The following PCDHGB3 variants were observed in gnomAD, a reference collection of about 807,000 sequenced individuals.
PCDHGB3 encodes protocadherin gamma-B3.
PCDHGB3 carries 40 observed loss-of-function variants against 59.2 expected under a neutral mutation model. The ratio of observed to expected loss-of-function variants is 0.68; its 90% CI spans 0.52 to 0.88. The LOEUF is 0.88. Ranked by LOEUF, PCDHGB3 falls within the 40% of genes least tolerant of loss-of-function variation. The pLI is 0.00. For missense variants in PCDHGB3, 1,309 were observed against 1,187.9 expected (o/e 1.10, Z -1.50); for synonymous variants, 581 against 503.6 (o/e 1.15, Z -2.06).
At position 141,421,727 on chromosome 5, in the gene PCDHGB3, C is replaced by T. The variant is rs779718690; in HGVS notation, c.2415+48918C>T. The T allele has an allele frequency of 4.3e-6, 7 of 1,613,798 alleles. No individual in the cohort carries two copies. In the African/African-American group the frequency reaches 9.3e-5, roughly 22 times the overall value. ...AGGGATCCAGATGTGGGCGTGAACT[C>T]CCTCCAGAGCTACCAGCTCAGCCCT... On this transcript the variant is annotated intron_variant, in intron 1 of 3. Coordinates refer to ENST00000576222, the MANE Select transcript of PCDHGB3 (RefSeq NM_018924.5).
At chr5:141,492,168 A>C (rs1426223836) in intron 1 of PCDHGB3, among the ~76,000 whole-genome samples, 1 of 152,108 alleles carries the variant, frequency 6.6e-6, no homozygotes, top group African/African-American at 2.4e-5. Context: ...CTATCCCCGC[A>C]TCACCCAACC....
rs1338008428 is a variant in PCDHGB3 at position 141,374,930 on chromosome 5, A to G, written c.2415+2121A>G. The G allele has an allele frequency of 3.1e-6, 5 of 1,613,868 alleles. No homozygotes were observed. Among genetic ancestry groups the G allele is most frequent in the African/African-American group, 1.3e-5 (1 of 74,948 alleles). ...CGGGGAAGTAACTTATTCCTTTGTG[A>G]AGATTACAGAAAAGATCTCACAAAT... is the stretch of plus-strand genomic sequence containing the variant. On this transcript the variant is annotated intron_variant, in intron 1 of 3. Transcript: ENST00000576222.
rs371823901 is a variant in PCDHGB3 at position 141,384,767 on chromosome 5, C to T, written c.2415+11958C>T. 6.8e-6 allele frequency: 11 copies of T among 1,613,806 alleles called. No individual in the cohort carries two copies. The African/African-American group carries it at 9.3e-5, about 14-fold the overall frequency. The stretch of plus-strand genomic sequence containing the variant: ...GGACTCTTTGCGGTTGGGCTGTACA[C>T]GGGCGAGGTGCGCACGGCTCGGGCC... On this transcript the variant is annotated intron_variant, in intron 1 of 3. Coordinates refer to ENST00000576222, the MANE Select transcript of PCDHGB3 (RefSeq NM_018924.5).
chr5:141,404,879 G>A (rs770577946), intron 1 of PCDHGB3: 4 of 1,613,906 alleles, frequency 2.5e-6, no homozygotes, highest in Middle Eastern at 1.6e-4. Flanking sequence ...ACAGAGCCTT[G>A]TGGTGGCTGT....
intron 1 of PCDHGB3, chr5:141,376,312 G>A (rs984837472): frequency 6.2e-7 from 1 of 1,614,060 alleles, no homozygotes; most frequent in African/African-American, 1.3e-5. Flanking sequence ...TTGTGGGCGT[G>A]GAAGGGGTTC....
chr5:141,421,473 C>T (rs907282414), intron 1 of PCDHGB3: 10 of 1,613,994 alleles, frequency 6.2e-6, no homozygotes, highest in Middle Eastern at 1.6e-4. Context: ...ATCCGCGAAG[C>T]GGCAGCTTGA....
chr5:141,441,861 C>T (rs3805696), intron 1 of PCDHGB3: 35,405 of 342,650 alleles, frequency 0.1, 2,215 homozygotes, highest in African/African-American at 0.17. Context: ...TGCTGCACGC[C>T]GCGGAGCCTG....
chr5:141,431,355 C>T lies in PCDHGB3; in HGVS notation c.2415+58546C>T. 1 of 1,614,054 alleles carries T rather than the reference C, an allele frequency of 6.2e-7. No homozygotes were observed. Among genetic ancestry groups the T allele is most frequent in the South Asian group, 1.1e-5 (1 of 91,082 alleles). ...TACCCCGAATTGGTGCTGAAACGCG[C>T]CCTGGACCGCGAAGAAAAGGCTGCT... On this transcript the variant is annotated intron_variant, in intron 1 of 3. Transcript: ENST00000576222. The surrounding 1 kb of genome is among the most constrained non-coding windows in gnomAD (Gnocchi z 4.8).
chr5:141,496,440 A>G (rs2099768848), intron 2 of PCDHGB3, among the ~76,000 whole-genome samples: 1 of 152,158 alleles, frequency 6.6e-6, no homozygotes, highest in South Asian at 2.1e-4. Flanking sequence ...AAGTTGCTAC[A>G]GATGCTGAGC....
At position 141,502,349 on chromosome 5, in the gene PCDHGB3, T is replaced by C. The variant is rs369766657; in HGVS notation, c.2475-3044T>C. 1.3e-3 allele frequency among the ~76,000 whole-genome samples: 200 copies of C among 152,292 alleles called. 3 individuals carry two copies. In the South Asian group the frequency reaches 0.034, roughly 26 times the overall value. On this transcript the variant is annotated intron_variant, in intron 2 of 3. Transcript: ENST00000576222. ...GCTCCCAGTCTTTTTATTTTTTTAA[T>C]GACATGGATATTTTTAAAGAGTCCA...
chr5:141,432,700 G>A lies in PCDHGB3; in HGVS notation c.2415+59891G>A. On this transcript the variant is annotated intron_variant, in intron 1 of 3. Transcript: ENST00000576222. The surrounding 1 kb of genome is among the most constrained non-coding windows in gnomAD (Gnocchi z 6.0). ...AGCAGAGCCTCGTAGTGGCCGTCCAGGACCACGGCCAGCCCCCTCTCTCCG... is the reference window on the plus strand; with the variant it reads ...AGCAGAGCCTCGTAGTGGCCGTCCAAGACCACGGCCAGCCCCCTCTCTCCG... The A allele has an allele frequency of 6.2e-7, 1 of 1,613,980 alleles. No individual in the cohort carries two copies. The highest frequency in any genetic ancestry group is 8.5e-7 in the Non-Finnish European group (1 of 1,179,978).
intron 1 of PCDHGB3, chr5:141,420,925 G>A: frequency 2.8e-6 from 1 of 355,536 alleles, no homozygotes; most frequent in Non-Finnish European, 5.1e-6. Context: ...TCACAAAGGT[G>A]AGCGTAATCA....
intron 1 of PCDHGB3, chr5:141,415,029 G>C (rs777967290): frequency 6.2e-7 from 1 of 1,613,552 alleles, no homozygotes; most frequent in South Asian, 1.1e-5. Flanking sequence ...CCAGCGAGCC[G>C]GGACTCTTCG....
At chr5:141,399,662 C>G (rs759226157) in intron 1 of PCDHGB3, 1 of 1,613,666 alleles carries the variant, frequency 6.2e-7, no homozygotes, top group South Asian at 1.1e-5. Context: ...GTGGTGTTCG[C>G]GCAGCGCGCC....
intron 1 of PCDHGB3, chr5:141,376,371 C>T: frequency 1.2e-6 from 2 of 1,614,196 alleles, no homozygotes; most frequent in African/African-American, 1.3e-5. Flanking sequence ...ACTGCAGACT[C>T]GCGTAAGAGT....
intron 1 of PCDHGB3, among the ~76,000 whole-genome samples, chr5:141,468,782 C>T (rs1280972843): frequency 2.0e-5 from 3 of 151,990 alleles, no homozygotes; most frequent in East Asian, 3.9e-4. Context: ...AGGAGAATGG[C>T]GTGAACCCGG....
intron 1 of PCDHGB3, chr5:141,399,391 G>C: frequency 2.5e-6 from 4 of 1,613,964 alleles, no homozygotes; most frequent in Non-Finnish European, 3.4e-6. Flanking sequence ...CACAGCCACA[G>C]ACAGGGGCAA....
intron 1 of PCDHGB3, among the ~76,000 whole-genome samples, chr5:141,466,035 C>T (rs10054619): frequency 0.28 from 42,092 of 151,762 alleles, 6,545 homozygotes; most frequent in African/African-American, 0.42. Flanking sequence ...GGCAGGAGAA[C>T]GGCATGAACC....
At chr5:141,413,550 A>C (rs2095653911) in intron 1 of PCDHGB3, 1 of 1,613,974 alleles carries the variant, frequency 6.2e-7, no homozygotes, top group Non-Finnish European at 8.5e-7. Context: ...GGATAGAAAT[A>C]GAAGTAACTG....
Sources: allele counts gnomAD v4.1 joint callset (sites outside exome capture counted in the v4.1 genomes callset), GRCh38; gene constraint gnomAD v4.1.1; non-coding constraint Gnocchi (gnomAD v3.1); transcripts MANE v1.5; gene names NCBI Gene and HGNC (gene_info 2026-07-23, HGNC 2026-07-21).